The following CERS3 variants were observed in gnomAD, a reference collection of about 807,000 sequenced individuals.
CERS3 encodes the protein LAG1 homolog, ceramide synthase 3.
Under a neutral mutation model 50.3 loss-of-function variants are expected in CERS3, and 33 were observed. That is an observed-to-expected ratio of 0.66 (90% CI 0.50 to 0.88). The LOEUF (loss-of-function observed/expected upper bound fraction) is 0.88. Among genes scored for constraint, CERS3 ranks in the 40% least tolerant of loss-of-function variants. The pLI is 0.00. For synonymous variants in CERS3, 176 were observed against 155.2 expected (o/e 1.13, Z -0.99); for missense variants, 470 against 460.3 (o/e 1.02, Z -0.19).
In CERS3 at chr15:100,400,664, A is replaced by C. The variant is rs909668036; in HGVS notation, c.*2049T>G. ...CTTCAACATTCAAATAAGAAAAAAA[A>C]CTGGAGATAGAGGTAAACAAATACT... On this transcript the variant is annotated 3_prime_UTR_variant, in exon 12 of 12. Coordinates refer to ENST00000679737, the MANE Select transcript of CERS3 (RefSeq NM_001378789.1). 1 of 152,176 alleles carries C rather than the reference A, an allele frequency of 6.6e-6. No individual in the cohort carries two copies. The highest frequency in any genetic ancestry group is 1.5e-5 in the Non-Finnish European group (1 of 68,024). The allele number at this position is 152,176 out of a possible 1,614,324, so 9.4% of individuals were successfully genotyped here. A position where few individuals can be genotyped will look rare whatever the true frequency, so the allele number is the denominator to read the frequency against.
chr15:100,541,858 A>C (rs12438080), intron 1 of CERS3, among the ~76,000 whole-genome samples: 75,865 of 151,832 alleles, frequency 0.5, 19,249 homozygotes, highest in South Asian at 0.6. Flanking sequence ...AGTTATGACA[A>C]CAGTAAGTAT....
At chr15:100,433,536 A>C (rs940958045) in intron 11 of CERS3, among the ~76,000 whole-genome samples, 1 of 152,180 alleles carries the variant, frequency 6.6e-6, no homozygotes, top group Admixed American at 6.5e-5. Context: ...CCTTGGCTCA[A>C]TTGGGTCATC....
Position 100,513,413 on chromosome 15 carries a change from C to T in CERS3, c.-2+8254G>A, listed in dbSNP as rs1023224942. Among the ~76,000 whole-genome samples, 14 of 152,250 alleles carry T rather than the reference C, an allele frequency of 9.2e-5. 1 individual carries two copies. Among genetic ancestry groups the T allele is most frequent in the South Asian group, 2.1e-4 (1 of 4,822 alleles). On this transcript the variant is annotated intron_variant, in intron 2 of 11. Transcript: ENST00000679737. ...GAGATGCTTGCAGGAGGGCCCGGGG[C>T]GGTTGGACCCCTGCCTACTTTTCCA...
chr15:100,497,652 C>A (rs114376373), intron 3 of CERS3, among the ~76,000 whole-genome samples: 1 of 152,074 alleles, frequency 6.6e-6, no homozygotes, highest in African/African-American at 2.4e-5. Context: ...GCATAACATT[C>A]TTCTCTAGAG....
chr15:100,544,394 C>G (rs11639484), intron 1 of CERS3: 5,845 of 58,794 alleles, frequency 0.099, 271 homozygotes, highest in African/African-American at 0.21. Flanking sequence ...GCCTTGACCT[C>G]CGCGGGGACA....
chr15:100,524,914 C>G (rs961967366), intron 1 of CERS3, among the ~76,000 whole-genome samples: 12 of 152,176 alleles, frequency 7.9e-5, no homozygotes, highest in Admixed American at 7.2e-4. Context: ...CTTATCCCAG[C>G]AGAGAATTAA....
intron 2 of CERS3, among the ~76,000 whole-genome samples, chr15:100,504,163 AG>A (rs1305488133): frequency 1.3e-5 from 2 of 151,694 alleles, no homozygotes; most frequent in Admixed American, 1.3e-4. Flanking sequence ...CACCATTCGG[AG>A]AAGTGCTAAC....
intron 8 of CERS3, among the ~76,000 whole-genome samples, chr15:100,474,894 A>C (rs1172517890): frequency 4.6e-5 from 7 of 152,210 alleles, no homozygotes; most frequent in African/African-American, 1.7e-4. Flanking sequence ...CCTGTGCTTT[A>C]GCCACCTCCC....
Position 100,453,458 on chromosome 15 carries a change from T to G in CERS3, c.999+2435A>C, listed in dbSNP as rs538537407. ...TTTAATAAAATTCAGCATCCTTTTA[T>G]GATAAAAACTCTCAACAAACTAGTC... is the stretch of plus-strand genomic sequence containing the variant. On this transcript the variant is annotated intron_variant, in intron 11 of 11. Coordinates refer to ENST00000679737, the MANE Select transcript of CERS3 (RefSeq NM_001378789.1). Among the ~76,000 whole-genome samples, 3 of 152,328 alleles carry G rather than the reference T, an allele frequency of 2.0e-5. No homozygotes were observed. In the South Asian group the frequency reaches 6.2e-4, roughly 32 times the overall value.
At chr15:100,479,502 G>A in intron 6 of CERS3, 24 bp from the exon 7 acceptor site, 1 of 1,563,650 alleles carries the variant, frequency 6.4e-7, no homozygotes, top group Non-Finnish European at 8.7e-7. Flanking sequence ...AAAAAAAAGA[G>A]CCAACAGATG....
In CERS3 at chr15:100,512,619, T is replaced by C. The variant is rs78936392; in HGVS notation, c.-2+9048A>G. Among the ~76,000 whole-genome samples, 1,061 of 152,298 alleles carry C rather than the reference T, an allele frequency of 7.0e-3. 8 individuals carry two copies. The highest frequency in any genetic ancestry group is 0.022 in the African/African-American group (908 of 41,562). The stretch of plus-strand genomic sequence containing the variant: ...ATCCCAGAGGTGTGACTGCTTCTTA[T>C]ACCTGCTAGTCCTATATTCGTCAGA... On this transcript the variant is annotated intron_variant, in intron 2 of 11. Coordinates refer to ENST00000679737, the MANE Select transcript of CERS3 (RefSeq NM_001378789.1).
chr15:100,490,782 A>C (rs779619570), intron 4 of CERS3, 35 bp downstream of exon 4: 34 of 1,324,060 alleles, frequency 2.6e-5, no homozygotes, highest in Non-Finnish European at 3.6e-5. Flanking sequence ...AAGAAAGAAG[A>C]TTTTTAAGTC....
chr15:100,544,402 A>T (rs12898730), intron 1 of CERS3: 3,981 of 93,382 alleles, frequency 0.043, 68 homozygotes, highest in Non-Finnish European at 0.051. Flanking sequence ...CTCCGCGGGG[A>T]CACGGGCCCT....
rs2035017633 is a variant in CERS3, at chr15:100,473,019, C to T, written c.643G>A (p.Ala215Thr). Residue 215 changes from alanine (A) to threonine (T), a missense_variant, in exon 9 of 12, where the codon GCT becomes ACT. Transcript: ENST00000679737. ...CAAGAGAAGCTCATCAGACTAATAG[C>T]AGCCAGGTGGTGGATGATATGAGCT... ...FLAHIIHHLA[A>T]ISLMSFSWCA... is the part of the protein sequence containing the mutation. 1 of 1,613,788 alleles carries T rather than the reference C, an allele frequency of 6.2e-7. No individual in the cohort carries two copies. Among genetic ancestry groups the T allele is most frequent in the Non-Finnish European group, 8.5e-7 (1 of 1,179,864 alleles).
intron 3 of CERS3, among the ~76,000 whole-genome samples, chr15:100,497,245 A>G (rs933260184): frequency 6.6e-6 from 1 of 152,140 alleles, no homozygotes; most frequent in African/African-American, 2.4e-5. Context: ...TTGCTCTTAT[A>G]TAGACATATA....
intron 11 of CERS3, among the ~76,000 whole-genome samples, chr15:100,414,904 G>A (rs2031778451): frequency 1.3e-5 from 2 of 149,506 alleles, no homozygotes; most frequent in Admixed American, 1.3e-4. Context: ...GACACCAAAA[G>A]CAATTGCAAC....
chr15:100,509,055 T>C (rs7181569), intron 2 of CERS3, among the ~76,000 whole-genome samples: 144,676 of 152,282 alleles, frequency 0.95, 68,885 homozygotes, highest in Middle Eastern at 0.99. Flanking sequence ...TTTTTGCTAA[T>C]ACTATGGAAT....
At chr15:100,434,721 T>C (rs1045391120) in intron 11 of CERS3, among the ~76,000 whole-genome samples, 1 of 152,162 alleles carries the variant, frequency 6.6e-6, no homozygotes, top group Non-Finnish European at 1.5e-5. Context: ...AATAAAACTC[T>C]CATATCCTGC....
intron 11 of CERS3, among the ~76,000 whole-genome samples, chr15:100,454,429 A>G (rs1214044027): frequency 6.6e-6 from 1 of 150,422 alleles, no homozygotes; most frequent in Non-Finnish European, 1.5e-5. Flanking sequence ...TTTCACAGAA[A>G]TAAAAAAATA....
Sources: gnomAD v4.1 joint callset for allele counts (sites outside exome capture counted in the v4.1 genomes callset) on GRCh38, gnomAD v4.1.1 for gene constraint, MANE v1.5 for transcripts, NCBI Gene and HGNC (gene_info 2026-07-23, HGNC 2026-07-21) for gene names.